Variants in RIMS2 observed in about 807,000 individuals in gnomAD.
The protein encoded by RIMS2 is regulating synaptic membrane exocytosis 2.
In RIMS2, 59 loss-of-function variants were observed where a neutral mutation model predicts 174.4. The observed-to-expected ratio is 0.34, with a 90% CI of 0.27 to 0.42. The LOEUF (loss-of-function observed/expected upper bound fraction) is 0.42. RIMS2 is among the 10% of genes least tolerant of loss of function. The pLI is 1.00. For missense variants in RIMS2, 1,620 were observed against 1,666.3 expected (o/e 0.97, Z 0.48); for synonymous variants, 606 against 572.5 (o/e 1.06, Z -0.84).
At chr8:103,956,443 G>T (rs527595981) in intron 14 of RIMS2, among the ~76,000 whole-genome samples, 1 of 152,102 alleles carries the variant, frequency 6.6e-6, no homozygotes, top group Non-Finnish European at 1.5e-5. Flanking sequence ...CAGAAATAAT[G>T]CCACACATCT....
intron 1 of RIMS2, among the ~76,000 whole-genome samples, chr8:103,677,752 C>G (rs1042133163): frequency 6.6e-6 from 1 of 152,018 alleles, no homozygotes; most frequent in African/African-American, 2.4e-5. Context: ...AGGTAGCCCC[C>G]CAACCAGAAC....
At chr8:103,549,775 G>A (rs1006713424) in intron 1 of RIMS2, among the ~76,000 whole-genome samples, 1 of 152,040 alleles carries the variant, frequency 6.6e-6, no homozygotes, top group Non-Finnish European at 1.5e-5. Context: ...GATGGAGGAA[G>A]ATCTACCAAG....
rs2097285454 is a variant in RIMS2 at position 104,076,073 on chromosome 8, A to G, written c.3334+61458A>G. On this transcript the variant is annotated intron_variant, in intron 19 of 23. Coordinates refer to ENST00000504942, the Ensembl canonical transcript of RIMS2. ...ATCAAGTATATTTATGAAGATACATAAACTTAGATTTTGAAATCCAGGTTA... is the reference window on the plus strand; with the variant it reads ...ATCAAGTATATTTATGAAGATACATGAACTTAGATTTTGAAATCCAGGTTA... Among the ~76,000 whole-genome samples the G allele has an allele frequency of 2.0e-5, 3 of 152,220 alleles. No individual in the cohort carries two copies. In the South Asian group the frequency reaches 6.2e-4, roughly 32 times the overall value.
intron 2 of RIMS2, among the ~76,000 whole-genome samples, chr8:103,761,278 A>G (rs1300341241): frequency 6.6e-6 from 1 of 152,266 alleles, no homozygotes; most frequent in Non-Finnish European, 1.5e-5. Flanking sequence ...TGTTCTTCAC[A>G]TACAAGATTG....
At chr8:103,689,907 TTTG>T (rs2096993058) in intron 1 of RIMS2, among the ~76,000 whole-genome samples, 1 of 58,190 alleles carries the variant, frequency 1.7e-5, no homozygotes, top group Non-Finnish European at 3.1e-5. Context: ...TATTGGATTT[TTTG>T]TTTGATTGTT....
At chr8:104,163,258 T>C (rs1015903650) in intron 19 of RIMS2, among the ~76,000 whole-genome samples, 2 of 152,162 alleles carry the variant, frequency 1.3e-5, no homozygotes, top group African/African-American at 4.8e-5. Context: ...ACTGACACTC[T>C]ATTATTCACT....
At chr8:103,569,007 C>G (rs2092601924) in intron 1 of RIMS2, 1 of 482,676 alleles carries the variant, frequency 2.1e-6, no homozygotes, top group African/African-American at 2.0e-5. Flanking sequence ...TTTTCACTTT[C>G]TTGATGGAGG....
chr8:103,855,693 T>C (rs1333520571), intron 3 of RIMS2, among the ~76,000 whole-genome samples: 1 of 152,208 alleles, frequency 6.6e-6, no homozygotes, highest in East Asian at 1.9e-4. Flanking sequence ...GATATTGATT[T>C]CTGTTTTTAT....
intron 19 of RIMS2, among the ~76,000 whole-genome samples, chr8:104,153,358 T>G (rs1217801930): frequency 6.6e-6 from 1 of 152,184 alleles, no homozygotes; most frequent in Non-Finnish European, 1.5e-5. Context: ...TGAGTCATAG[T>G]ATGTCTATCT....
At chr8:104,189,780 C>T (rs557488601) in intron 19 of RIMS2, among the ~76,000 whole-genome samples, 10 of 151,552 alleles carry the variant, frequency 6.6e-5, no homozygotes, top group East Asian at 1.9e-4. Context: ...TATTAAATTA[C>T]GAAGTAAACC....
intron 19 of RIMS2, among the ~76,000 whole-genome samples, chr8:104,100,931 T>C (rs1421863573): frequency 4.8e-5 from 5 of 104,566 alleles, no homozygotes; most frequent in African/African-American, 1.9e-4. Flanking sequence ...ATATATGTGA[T>C]ATATTATATA....
intron 1 of RIMS2, among the ~76,000 whole-genome samples, chr8:103,503,720 T>G (rs745953019): frequency 2.0e-5 from 3 of 152,018 alleles, no homozygotes; most frequent in Non-Finnish European, 2.9e-5. Flanking sequence ...AATGTTCATA[T>G]TAAGTATTCA....
chr8:103,671,124 A>G (rs574076911), intron 1 of RIMS2, among the ~76,000 whole-genome samples: 11 of 152,286 alleles, frequency 7.2e-5, no homozygotes, highest in Non-Finnish European at 1.3e-4. Flanking sequence ...GAGCCATGCA[A>G]AAGTGTTTCC....
At chr8:104,172,300 A>G (rs1236042903) in intron 19 of RIMS2, among the ~76,000 whole-genome samples, 1 of 152,128 alleles carries the variant, frequency 6.6e-6, no homozygotes. Context: ...TTAAGATGTG[A>G]AGAAGTCTGG....
chr8:103,984,547 T>A (rs890879225), intron 16 of RIMS2, among the ~76,000 whole-genome samples: 3 of 152,100 alleles, frequency 2.0e-5, no homozygotes, highest in Non-Finnish European at 2.9e-5. Context: ...CCTAAAACAA[T>A]AACAAATGCT....
At chr8:103,886,180 T>C (rs773705272) in exon 4 of RIMS2, 1 of 1,612,198 alleles carries the variant, frequency 6.2e-7, no homozygotes, top group South Asian at 1.1e-5. Flanking sequence ...AATATACAAG[T>C]TGTGATGATG....
chr8:103,578,169 C>A (rs1228725651), intron 1 of RIMS2, among the ~76,000 whole-genome samples: 1 of 152,148 alleles, frequency 6.6e-6, no homozygotes, highest in Non-Finnish European at 1.5e-5. Flanking sequence ...TACCCCAAGG[C>A]ACATAATCAA....
chr8:103,927,941 G>A (rs563647857), intron 11 of RIMS2: 3 of 1,499,258 alleles, frequency 2.0e-6, no homozygotes, highest in African/African-American at 1.4e-5. Flanking sequence ...AACCCTATTT[G>A]TATGTTTTTG....
chr8:103,640,097 T>G (rs993799495), intron 1 of RIMS2, among the ~76,000 whole-genome samples: 2 of 151,930 alleles, frequency 1.3e-5, no homozygotes, highest in Admixed American at 6.6e-5. Context: ...AAAATAGACA[T>G]AGACCTCTCC....
Sources: allele counts gnomAD v4.1 joint callset (sites outside exome capture counted in the v4.1 genomes callset), GRCh38; gene constraint gnomAD v4.1.1; transcripts MANE v1.5; gene names NCBI Gene and HGNC (gene_info 2026-07-23, HGNC 2026-07-21).